The following FOCAD variants were observed in gnomAD, a reference collection of about 807,000 sequenced individuals.
FOCAD encodes KIAA1797.
FOCAD carries 198 observed loss-of-function variants against 225.6 expected under a neutral mutation model. The ratio of observed to expected loss-of-function variants is 0.88; its 90% CI spans 0.78 to 0.99. The LOEUF (loss-of-function observed/expected upper bound fraction) is 0.99. Among genes scored for constraint, FOCAD ranks in the 50% least tolerant of loss-of-function variants. The pLI is 0.00. For missense variants in FOCAD, 2,713 were observed against 2,123.6 expected (o/e 1.28, Z -5.46); for synonymous variants, 897 against 755.0 (o/e 1.19, Z -3.08).
At chr9:20,758,520 C>G (rs1829273729) in intron 6 of FOCAD, among the ~76,000 whole-genome samples, 1 of 147,954 alleles carries the variant, frequency 6.8e-6, no homozygotes, top group Admixed American at 6.8e-5. Context: ...CCCCCCTCCC[C>G]CAACCCCACA....
rs184087722 is a variant in FOCAD, at chr9:20,948,375, C to A, written c.3780C>A (p.Ile1260=). 1.2e-6 allele frequency: 2 copies of A among 1,611,952 alleles called. No homozygotes were observed. The highest frequency in any genetic ancestry group is 4.5e-5 in the East Asian group (2 of 44,776). ...GCAGCAAACTACTCCCTGCCTGGAT[C>A]AGAATTGTTCTAACAGAGGTAGAGG... The part of the protein sequence containing the change: ...DLGSKLLPAW[I]RIVLTEGTPT... The change falls in exon 31 of 44, where the codon ATC becomes ATA. Residue 1260 remains isoleucine (I), a synonymous_variant. Transcript: ENST00000338382.
Position 20,781,766 on chromosome 9 carries a change from C to T in FOCAD, c.1034C>T (p.Pro345Leu), listed in dbSNP as rs994261388. ...LLSVTEDQKI[P>L]KSSLLLVMPI... ...TCTGTTACTGAGGATCAGAAAATCC[C>T]AAAGTCCTCTCTGCTGCTAGTGATG... Residue 345 changes from proline (P) to leucine (L), a missense_variant, in exon 10 of 44, where the codon CCA becomes CTA. Pro to Leu is a moderately conservative substitution (Grantham distance 98). Coordinates refer to ENST00000338382, the MANE Select transcript of FOCAD (RefSeq NM_001375567.1). 1 of 1,613,962 alleles carries T rather than the reference C, an allele frequency of 6.2e-7. No homozygotes were observed. The highest frequency in any genetic ancestry group is 8.5e-7 in the Non-Finnish European group (1 of 1,179,982).
intron 17 of FOCAD, 152 bp downstream of exon 17, chr9:20,866,128 G>A: frequency 4.4e-6 from 3 of 677,464 alleles, no homozygotes; most frequent in South Asian, 4.1e-5. Context: ...ATAAGTTTTG[G>A]TTTTAAAAAT....
chr9:20,783,334 A>T (rs998196928), intron 10 of FOCAD, among the ~76,000 whole-genome samples: 4 of 152,004 alleles, frequency 2.6e-5, no homozygotes, highest in African/African-American at 9.7e-5. Flanking sequence ...CTTTGAGTAG[A>T]TATATGATCA....
At chr9:20,837,419 T>G (rs1188974304) in intron 15 of FOCAD, among the ~76,000 whole-genome samples, 3 of 152,066 alleles carry the variant, frequency 2.0e-5, no homozygotes, top group Admixed American at 2.0e-4. Flanking sequence ...GGTTGCAAAT[T>G]GTGCTCATCT....
chr9:20,944,250 A>T (rs1836953660), intron 28 of FOCAD, among the ~76,000 whole-genome samples: 3 of 152,210 alleles, frequency 2.0e-5, no homozygotes, highest in African/African-American at 7.2e-5. Context: ...TGATCACAGT[A>T]TACTCAACAT....
chr9:20,792,365 G>A (rs1296644197), intron 11 of FOCAD, among the ~76,000 whole-genome samples: 1 of 152,122 alleles, frequency 6.6e-6, no homozygotes, highest in African/African-American at 2.4e-5. Flanking sequence ...CTATGTGTAA[G>A]GTGTATCAAT....
At chr9:20,771,721 C>T (rs1006883933) in intron 8 of FOCAD, among the ~76,000 whole-genome samples, 15 of 152,218 alleles carry the variant, frequency 9.9e-5, no homozygotes, top group African/African-American at 3.6e-4. Flanking sequence ...TGCCACTGCA[C>T]TCCAGCCTGG....
intron 6 of FOCAD, among the ~76,000 whole-genome samples, chr9:20,758,672 A>G (rs1829290859): frequency 6.6e-6 from 1 of 152,126 alleles, no homozygotes; most frequent in South Asian, 2.1e-4. Context: ...AGTTACATTC[A>G]TGTCCCTACA....
At chr9:20,817,723 AT>A (rs1435992661) in intron 11 of FOCAD, among the ~76,000 whole-genome samples, 1 of 151,312 alleles carries the variant, frequency 6.6e-6, no homozygotes, top group African/African-American at 2.4e-5. Context: ...TCAGTACTTT[AT>A]TTATTTTTAT....
chr9:20,875,931 G>T (rs1178763020), intron 19 of FOCAD: 1 of 151,998 alleles, frequency 6.6e-6, no homozygotes, highest in Non-Finnish European at 1.5e-5. Context: ...TTAATTTCTG[G>T]AAATGAAGTT....
chr9:20,781,926 A>G lies in FOCAD; in HGVS notation c.1194A>G (p.Gln398=), dbSNP rs1246456439. Residue 398 remains glutamine (Q), a synonymous_variant, in exon 10 of 44, where the codon CAA becomes CAG. Coordinates refer to ENST00000338382, the MANE Select transcript of FOCAD (RefSeq NM_001375567.1). The part of the protein sequence containing the change: ...IQQECYRDDH[Q]KLSYKLVCPV... ...AGGAATGTTACAGAGATGACCACCA[A>G]AAGGTAATGAATCTATCCTTGTTTC... 2 of 1,613,186 alleles carry G rather than the reference A, an allele frequency of 1.2e-6. No individual in the cohort carries two copies. The highest frequency in any genetic ancestry group is 1.7e-6 in the Non-Finnish European group (2 of 1,179,358).
intron 5 of FOCAD, among the ~76,000 whole-genome samples, chr9:20,743,512 T>C (rs1014620810): frequency 1.3e-5 from 2 of 152,022 alleles, no homozygotes; most frequent in South Asian, 4.1e-4. Context: ...ACAAGAGATA[T>C]GAGAACCAAG....
intron 5 of FOCAD, among the ~76,000 whole-genome samples, chr9:20,754,736 T>G (rs1828891394): frequency 6.6e-6 from 1 of 152,120 alleles, no homozygotes; most frequent in Non-Finnish European, 1.5e-5. Flanking sequence ...TTGTATCTAG[T>G]GGGTGGAGGC....
intron 4 of FOCAD, among the ~76,000 whole-genome samples, chr9:20,729,263 T>G (rs537371412): frequency 4.6e-5 from 7 of 152,168 alleles, no homozygotes; most frequent in Non-Finnish European, 8.8e-5. Flanking sequence ...TTCTATGCCT[T>G]TCTACTAGCT....
chr9:20,757,091 G>A (rs928951031), intron 5 of FOCAD, among the ~76,000 whole-genome samples: 2 of 152,022 alleles, frequency 1.3e-5, no homozygotes, highest in Admixed American at 6.6e-5. Flanking sequence ...CACCATTCCC[G>A]GCTAATTTTG....
intron 1 of FOCAD, among the ~76,000 whole-genome samples, chr9:20,701,576 TGTC>T (rs1413545206): frequency 6.6e-6 from 1 of 152,250 alleles, no homozygotes; most frequent in African/African-American, 2.4e-5. Context: ...GATTGACAAT[TGTC>T]GTGATGGAAG....
At chr9:20,683,106 G>C (rs1258491871), upstream of FOCAD, among the ~76,000 whole-genome samples, 2 of 152,132 alleles carry the variant, frequency 1.3e-5, no homozygotes, top group Non-Finnish European at 2.9e-5. Flanking sequence ...TGAATGCATA[G>C]TTGGTTATTG....
chr9:20,884,586 C>G (rs1374649828), intron 20 of FOCAD, among the ~76,000 whole-genome samples: 1 of 151,906 alleles, frequency 6.6e-6, no homozygotes, highest in African/African-American at 2.4e-5. Context: ...TGTGAGCCAC[C>G]GTGCCTGTCC....
Sources: gnomAD v4.1 joint callset for allele counts (sites outside exome capture counted in the v4.1 genomes callset) on GRCh38, gnomAD v4.1.1 for gene constraint, MANE v1.5 for transcripts, NCBI Gene and HGNC (gene_info 2026-07-23, HGNC 2026-07-21) for gene names.